The following TRDMT1 variants were observed in gnomAD, a reference collection of about 807,000 sequenced individuals.
The protein encoded by TRDMT1 is tRNA aspartic acid methyltransferase 1.
In TRDMT1, 49 loss-of-function variants were observed where a neutral mutation model predicts 51.2. That is an observed-to-expected ratio of 0.96 (90% CI 0.76 to 1.21). The LOEUF (loss-of-function observed/expected upper bound fraction) is 1.21. Among genes scored for constraint, TRDMT1 ranks in the 50% most tolerant of loss-of-function variants. The pLI is 0.00. For missense variants in TRDMT1, 534 were observed against 462.3 expected (o/e 1.16, Z -1.42); for synonymous variants, 187 against 164.6 (o/e 1.14, Z -1.04).
At chr10:17,201,536 G>T in intron 1 of TRDMT1, 35 bp downstream of exon 1, 1 of 1,540,466 alleles carries the variant, frequency 6.5e-7, no homozygotes, top group East Asian at 2.5e-5. Flanking sequence ...GCCCCCGTGA[G>T]CGAATAGAGA....
At position 17,145,246 on chromosome 10, in the gene TRDMT1, C is replaced by CAAAAACAAAA. The variant is rs1387649088; in HGVS notation, c.*3784_*3793dup. The CAAAAACAAAA allele has an allele frequency of 2.9e-5, 3 of 104,708 alleles. No individual in the cohort carries two copies. The allele number at this position is 104,708 out of a possible 1,614,324, so 6.5% of individuals were successfully genotyped here. Reference sequence around the variant, plus strand: ...TAGGCAACAGAGCGAGACTCAGTCTCAAAAACAAAACAAAACAAAACAAAA... The same window carrying CAAAAACAAAA: ...TAGGCAACAGAGCGAGACTCAGTCTCAAAAACAAAAAAAAACAAAACAAAACAAAACAAAA... On this transcript the variant is annotated 3_prime_UTR_variant, in exon 11 of 11. Coordinates refer to ENST00000377799, the MANE Select transcript of TRDMT1 (RefSeq NM_004412.7).
intron 1 of TRDMT1, among the ~76,000 whole-genome samples, chr10:17,183,473 C>T (rs1301267660): frequency 2.0e-5 from 3 of 151,920 alleles, no homozygotes; most frequent in Non-Finnish European, 4.4e-5. Flanking sequence ...GCTGGAGTGC[C>T]GTGGCATGAT....
At position 17,138,847 on chromosome 10, in the gene TRDMT1, G is replaced by A. The variant is rs564706145; in HGVS notation, c.*10193C>T. ...ATCCAGAGGGACAAACGCAATAGGGGAATAGGGCTTTGGAGGAGGAGCACA... is the reference window on the plus strand; with the variant it reads ...ATCCAGAGGGACAAACGCAATAGGGAAATAGGGCTTTGGAGGAGGAGCACA... On this transcript the variant is annotated 3_prime_UTR_variant, in exon 11 of 11. Coordinates refer to ENST00000377799, the MANE Select transcript of TRDMT1 (RefSeq NM_004412.7). Among the ~76,000 whole-genome samples, 302 of 152,202 alleles carry A rather than the reference G, an allele frequency of 2.0e-3. 1 individual carries two copies. Among genetic ancestry groups the A allele is most frequent in the Non-Finnish European group, 3.1e-3 (213 of 68,018 alleles).
chr10:17,200,442 C>G (rs1845997267), intron 1 of TRDMT1: 1 of 167,024 alleles, frequency 6.0e-6, no homozygotes, highest in Admixed American at 6.5e-5. Context: ...GATCATTAAC[C>G]TAGTCTAGAA....
At chr10:17,166,981 C>T (rs1264011805) in intron 3 of TRDMT1, among the ~76,000 whole-genome samples, 4 of 152,194 alleles carry the variant, frequency 2.6e-5, no homozygotes, top group Non-Finnish European at 4.4e-5. Context: ...TCAGACATCA[C>T]CTCTGAAAGA....
At chr10:17,185,039 T>A (rs1416567338) in intron 1 of TRDMT1, among the ~76,000 whole-genome samples, 1 of 152,214 alleles carries the variant, frequency 6.6e-6, no homozygotes, top group African/African-American at 2.4e-5. Flanking sequence ...TAAGCCTCAG[T>A]ATCTTCACCT....
chr10:17,160,470 T>A, intron 5 of TRDMT1, 96 bp from the exon 6 acceptor site: 1 of 878,314 alleles, frequency 1.1e-6, no homozygotes, highest in Non-Finnish European at 1.6e-6. Context: ...GTTTGTTTTC[T>A]TGTTTTTTTG....
chr10:17,167,598 T>C (rs1276767169), intron 3 of TRDMT1, among the ~76,000 whole-genome samples: 2 of 152,184 alleles, frequency 1.3e-5, no homozygotes, highest in Non-Finnish European at 2.9e-5. Flanking sequence ...GTCGAAGATA[T>C]AATTTCCTGA....
intron 2 of TRDMT1, among the ~76,000 whole-genome samples, chr10:17,172,487 G>T (rs369269837): frequency 6.6e-6 from 1 of 151,690 alleles, no homozygotes; most frequent in African/African-American, 2.4e-5. Flanking sequence ...GTGAGACCCT[G>T]CCTCTCCAAA....
In TRDMT1 at chr10:17,147,398, T is replaced by C. The variant is rs1838213530; in HGVS notation, c.*1642A>G. 3 of 924,252 alleles carry C rather than the reference T, an allele frequency of 3.2e-6. No homozygotes were observed. Among genetic ancestry groups the C allele is most frequent in the Non-Finnish European group, 3.9e-6 (3 of 774,248 alleles). The allele number at this position is 924,252 out of a possible 1,614,324, so 57.3% of individuals were successfully genotyped here. On this transcript the variant is annotated 3_prime_UTR_variant, in exon 11 of 11. Coordinates refer to ENST00000377799, the MANE Select transcript of TRDMT1 (RefSeq NM_004412.7). Reference sequence around the variant, plus strand: ...TATGATTTTTTCAATTGCAGTAAAATATACATAATGTAAAATTTATCATTT... The same window carrying C: ...TATGATTTTTTCAATTGCAGTAAAACATACATAATGTAAAATTTATCATTT...
intron 1 of TRDMT1, among the ~76,000 whole-genome samples, chr10:17,199,904 C>T (rs1297591980): frequency 1.3e-5 from 2 of 152,014 alleles, no homozygotes; most frequent in Non-Finnish European, 2.9e-5. Flanking sequence ...AAATATTTTA[C>T]TCTTTCATTA....
intron 10 of TRDMT1, chr10:17,152,095 C>T (rs1049948644): frequency 6.2e-6 from 8 of 1,296,672 alleles, no homozygotes; most frequent in Middle Eastern, 2.1e-4. Flanking sequence ...TGTCTGATTG[C>T]TCATCTGAAA....
chr10:17,150,226 A>C, intron 10 of TRDMT1: 1 of 216,720 alleles, frequency 4.6e-6, no homozygotes, highest in Non-Finnish European at 7.9e-6. Context: ...CATTTCCCTA[A>C]TAACTAACTA....
chr10:17,156,865 C>G, intron 8 of TRDMT1, among the ~76,000 whole-genome samples: 1 of 152,054 alleles, frequency 6.6e-6, no homozygotes, highest in Non-Finnish European at 1.5e-5. Flanking sequence ...ATACAGTAAA[C>G]TGATATCATT....
intron 9 of TRDMT1, 70 bp from the exon 10 acceptor site, chr10:17,153,706 T>C (rs1388181622): frequency 2.1e-5 from 30 of 1,457,916 alleles, no homozygotes; most frequent in South Asian, 1.3e-4. Context: ...TGCTGTGAGA[T>C]AGTTGAAACT....
rs772660895 is a variant in TRDMT1 at position 17,149,150 on chromosome 10, C to T, written c.1076-10G>A. The T allele has an allele frequency of 1.3e-6, 2 of 1,586,000 alleles. No homozygotes were observed. The highest frequency in any genetic ancestry group is 3.4e-5 in the Admixed American group (2 of 58,004). On this transcript the variant is annotated splice_polypyrimidine_tract_variant and intron_variant, in intron 10 of 10. Coordinates refer to ENST00000377799, the MANE Select transcript of TRDMT1 (RefSeq NM_004412.7). ...ATCTTCTCAGGAAATCCTAAAAAGA[C>T]AAAGAACAATTTAAAGAAATCATTT... is the stretch of plus-strand genomic sequence containing the variant.
At chr10:17,161,151 A>G (rs7910954) in intron 5 of TRDMT1, among the ~76,000 whole-genome samples, 2,692 of 152,324 alleles carry the variant, frequency 0.018, 62 homozygotes, top group African/African-American at 0.062. Flanking sequence ...ACTTGTCAAC[A>G]GGACCAATTC....
At chr10:17,149,203 A>C in intron 10 of TRDMT1, 63 bp from the exon 11 acceptor site, 1 of 1,341,082 alleles carries the variant, frequency 7.5e-7, no homozygotes, top group Non-Finnish European at 1.1e-6. Context: ...AGATGAAAGG[A>C]TGTATCCTTT....
At position 17,143,001 on chromosome 10, in the gene TRDMT1, T is replaced by C; in HGVS notation, c.*6039A>G. The C allele has an allele frequency of 1.0e-6, 1 of 985,480 alleles. No homozygotes were observed. The highest frequency in any genetic ancestry group is 4.7e-5 in the South Asian group (1 of 21,290). 61.0% of individuals were successfully genotyped at this position (985,480 alleles called of 1,614,324 possible). On this transcript the variant is annotated 3_prime_UTR_variant, in exon 11 of 11. Transcript: ENST00000377799. ...GTCAGAATACAGTATTTTAAAAAGT[T>C]TTATTTGCGCTACTTTCCAAAAGCC...
Sources: allele counts gnomAD v4.1 joint callset (sites outside exome capture counted in the v4.1 genomes callset), GRCh38; gene constraint gnomAD v4.1.1; transcripts MANE v1.5; gene names NCBI Gene and HGNC (gene_info 2026-07-23, HGNC 2026-07-21).